Variants in GSAP observed in about 807,000 individuals in gnomAD.
GSAP encodes the protein gamma-secretase-activating protein.
In GSAP, 118 loss-of-function variants were observed where a neutral mutation model predicts 131.7. The observed-to-expected ratio is 0.90, with a 90% CI of 0.77 to 1.04. The LOEUF (loss-of-function observed/expected upper bound fraction) is 1.04. Ranked by LOEUF, GSAP falls within the 50% of genes least tolerant of loss-of-function variation. GSAP has a pLI of 0.00. For synonymous variants in GSAP, 381 were observed against 363.4 expected (o/e 1.05, Z -0.55); for missense variants, 1,019 against 1,013.2 (o/e 1.01, Z -0.08).
intron 4 of GSAP, 108 bp from the exon 5 acceptor site, chr7:77,397,143 G>C (rs2286156): frequency 4.0e-6 from 3 of 743,438 alleles, no homozygotes; most frequent in Non-Finnish European, 6.8e-6. Context: ...ATATGTCAAC[G>C]GAAGATAAGG....
At chr7:77,402,593 CAAAA>C (rs56739649) in intron 3 of GSAP, among the ~76,000 whole-genome samples, 1,996 of 24,790 alleles carry the variant, frequency 0.081, 53 homozygotes, top group African/African-American at 0.19. Flanking sequence ...GACTCTGTCT[CAAAA>C]AAAAAAAAAA....
At chr7:77,363,223 A>C (rs1794795102) in intron 12 of GSAP, among the ~76,000 whole-genome samples, 1 of 152,214 alleles carries the variant, frequency 6.6e-6, no homozygotes, top group African/African-American at 2.4e-5. Flanking sequence ...CTTGGCATAG[A>C]GTGGCCTTTC....
rs754754326 is a variant in GSAP, at chr7:77,375,084, G to C, written c.759C>G (p.Asp253Glu). The C allele has an allele frequency of 2.4e-5, 37 of 1,557,964 alleles. No homozygotes were observed. The highest frequency in any genetic ancestry group is 3.2e-5 in the Non-Finnish European group (36 of 1,135,648). ...TAAATCCTGAGTTGCTTAATGATAT[G>C]TCCAAGGGTACTTCAAACTGTCAAA... ...SYNLMFEVPL[D>E]ISLSNSGFKL... Residue 253 changes from aspartate to glutamate, a missense_variant, in exon 11 of 31, where the codon GAC becomes GAG. Physicochemically the swap from Asp to Glu is conservative, Grantham distance 45. Transcript: ENST00000257626.
chr7:77,351,851 G>C (rs928450214), intron 18 of GSAP, among the ~76,000 whole-genome samples: 4 of 152,224 alleles, frequency 2.6e-5, no homozygotes, highest in African/African-American at 9.7e-5. Flanking sequence ...GGTTGGTAAG[G>C]GAGGGAGCGG....
intron 19 of GSAP, among the ~76,000 whole-genome samples, chr7:77,345,934 A>T (rs1023645412): frequency 2.0e-5 from 3 of 152,176 alleles, no homozygotes; most frequent in South Asian, 4.1e-4. Context: ...TGCTATAAAA[A>T]TCGTCATAGC....
rs1421346344 is a variant in GSAP at position 77,321,385 on chromosome 7, T to A, written c.1942A>T (p.Ile648Phe). The change falls in exon 25 of 31, where the codon ATC (isoleucine) becomes TTC (phenylalanine). Residue 648 changes from isoleucine to phenylalanine, a missense_variant. Transcript: ENST00000257626. ...ISKLLDLICH[I>F]VETNWRKHNL... ...TGTTTCCTCCAATTGGTTTCTACGA[T>A]GTGGCAAATGAGATCCAGCTGGAGG... 6 of 1,605,386 alleles carry A rather than the reference T, an allele frequency of 3.7e-6. No individual in the cohort carries two copies. The highest frequency in any genetic ancestry group is 5.1e-6 in the Non-Finnish European group (6 of 1,172,210).
rs781136621 is a variant in GSAP at position 77,312,203 on chromosome 7, C to G, written c.2272-1G>C. The G allele has an allele frequency of 4.1e-5, 64 of 1,547,118 alleles. No individual in the cohort carries two copies. The highest frequency in any genetic ancestry group is 4.8e-5 in the Non-Finnish European group (55 of 1,138,410). ...GTCTACAAATCTTCTGCCCAATAAG[C>G]TATTATGCAAATTGAAAAAAATGTA... On this transcript the variant is annotated splice_acceptor_variant, in intron 28 of 30. Transcript: ENST00000257626. LOFTEE classifies it high-confidence loss of function.
intron 14 of GSAP, among the ~76,000 whole-genome samples, chr7:77,359,015 C>T (rs10808105): frequency 0.32 from 49,201 of 151,870 alleles, 9,280 homozygotes; most frequent in African/African-American, 0.52. Flanking sequence ...TGAAACATCG[C>T]CTCTACTGAA....
chr7:77,321,070 C>T (rs1246413133), intron 25 of GSAP, among the ~76,000 whole-genome samples: 1 of 152,170 alleles, frequency 6.6e-6, no homozygotes, highest in Non-Finnish European at 1.5e-5. Flanking sequence ...TCATTTGTCC[C>T]TCCCCTGTCA....
chr7:77,386,689 C>T (rs1231618490), intron 6 of GSAP, among the ~76,000 whole-genome samples: 1 of 152,076 alleles, frequency 6.6e-6, no homozygotes, highest in Admixed American at 6.5e-5. Context: ...ACTGTGAAAT[C>T]GCCAGGAAAA....
intron 18 of GSAP, 140 bp downstream of exon 18, chr7:77,352,804 A>C: frequency 1.9e-6 from 1 of 533,932 alleles, no homozygotes; most frequent in Non-Finnish European, 3.4e-6. Context: ...TTTTCTGCCA[A>C]AAAAAATTCA....
chr7:77,409,157 AT>A (rs1802832991), intron 1 of GSAP, among the ~76,000 whole-genome samples: 1 of 152,146 alleles, frequency 6.6e-6, no homozygotes, highest in Non-Finnish European at 1.5e-5. Context: ...AAGGATAATA[AT>A]TTGGTCTCTT....
rs761819632 is a variant in GSAP, at chr7:77,312,134, G to A, written c.2340C>T (p.His780=). 19 of 1,602,024 alleles carry A rather than the reference G, an allele frequency of 1.2e-5. No individual in the cohort carries two copies. Among genetic ancestry groups the A allele is most frequent in the African/African-American group, 2.7e-5 (2 of 74,316 alleles). The change falls in exon 29 of 31, where the codon CAC becomes CAT. Residue 780 remains histidine (H), a synonymous_variant. Coordinates refer to ENST00000257626, the MANE Select transcript of GSAP (RefSeq NM_017439.4). ...PMSSNIISRN[H]VTRLLQNYKK... is the part of the protein sequence containing the mutation. ...TATAGTTCTGAAGCAGTCGCGTCAC[G>A]TGGTTCCGCGAAATGATGTTAGAAC...
chr7:77,405,888 CAT>C (rs1802177448), intron 2 of GSAP, 139 bp downstream of exon 2: 2 of 306,880 alleles, frequency 6.5e-6, no homozygotes, highest in Non-Finnish European at 1.2e-5. Context: ...CACACAAAGT[CAT>C]ATGTTAAGAT....
chr7:77,407,479 T>C, intron 1 of GSAP, among the ~76,000 whole-genome samples: 1 of 152,222 alleles, frequency 6.6e-6, no homozygotes, highest in Admixed American at 6.5e-5. Context: ...TTGATATTTA[T>C]CATATTACTA....
At chr7:77,329,608 CACA>C (rs1339097798) in intron 20 of GSAP, 10 of 322,940 alleles carry the variant, frequency 3.1e-5, no homozygotes, top group African/African-American at 1.3e-4. Flanking sequence ...ATATACTACA[CACA>C]ACAACACTAA....
intron 28 of GSAP, 129 bp from the exon 29 acceptor site, chr7:77,312,331 T>C (rs1794476327): frequency 9.0e-6 from 5 of 554,312 alleles, no homozygotes; most frequent in Non-Finnish European, 1.3e-5. Flanking sequence ...CCTTGATGAT[T>C]AAGGACCCTT....
intron 3 of GSAP, among the ~76,000 whole-genome samples, chr7:77,401,256 A>C (rs1353922336): frequency 6.6e-6 from 1 of 152,176 alleles, no homozygotes; most frequent in Non-Finnish European, 1.5e-5. Context: ...AGTAAACCCC[A>C]AACAGGCAAA....
intron 18 of GSAP, chr7:77,351,713 G>A (rs1383586621): frequency 6.3e-5 from 62 of 985,704 alleles, no homozygotes; most frequent in Non-Finnish European, 7.2e-5. Flanking sequence ...AAAGGGAAGC[G>A]TTACCCTCAG....
Sources: allele counts gnomAD v4.1 joint callset (sites outside exome capture counted in the v4.1 genomes callset), GRCh38; gene constraint gnomAD v4.1.1; transcripts MANE v1.5; gene names NCBI Gene and HGNC (gene_info 2026-07-23, HGNC 2026-07-21).